Variants in DAB1 observed in about 807,000 individuals in gnomAD.
DAB1 encodes the protein DAB adaptor protein 1.
A neutral mutation model predicts 64.6 loss-of-function variants in DAB1; 15 were observed. That is an observed-to-expected ratio of 0.23 (90% confidence interval 0.16 to 0.36). The LOEUF is 0.36. Among genes scored for constraint, DAB1 ranks in the 10% least tolerant of loss-of-function variants. The pLI is 1.00. For synonymous variants in DAB1, 235 were observed against 251.9 expected, an observed-to-expected ratio of 0.93 and a Z score of 0.64; for missense variants, 596 against 706.7, an observed-to-expected ratio of 0.84 and a Z score of 1.78.
At chr1:57,527,987 TAAGAG>T (rs1644613965) in intron 7 of DAB1, among the ~76,000 whole-genome samples, 1 of 151,908 alleles carries the variant, frequency 6.6e-6, no homozygotes, top group South Asian at 2.1e-4. Flanking sequence ...GACTTATAGT[TAAGAG>T]AAAACTCAAG....
chr1:57,164,575 A>G (rs1021782819), intron 2 of DAB1, among the ~76,000 whole-genome samples: 1 of 152,078 alleles, frequency 6.6e-6, no homozygotes, highest in East Asian at 1.9e-4. Flanking sequence ...AAGCAGAGAG[A>G]GGAGTCAATC....
intron 9 of DAB1, among the ~76,000 whole-genome samples, chr1:57,033,779 A>G (rs749092907): frequency 2.6e-5 from 4 of 152,224 alleles, no homozygotes; most frequent in Admixed American, 6.5e-5. Flanking sequence ...AAATACAGCA[A>G]TGGTAAATTT....
chr1:57,921,523 A>G (rs1569997448), intron 5 of DAB1, among the ~76,000 whole-genome samples: 1 of 152,138 alleles, frequency 6.6e-6, no homozygotes, highest in East Asian at 1.9e-4. Context: ...CCAGGCCACA[A>G]GGCCAATCCT....
chr1:57,769,752 A>T (rs1569627284), intron 6 of DAB1, among the ~76,000 whole-genome samples: 1 of 152,180 alleles, frequency 6.6e-6, no homozygotes, highest in East Asian at 1.9e-4. Context: ...GAGATGAAAT[A>T]GAAACTGCTA....
At chr1:58,439,804 T>A (rs1054784115) in intron 3 of DAB1, among the ~76,000 whole-genome samples, 3 of 152,226 alleles carry the variant, frequency 2.0e-5, no homozygotes, top group South Asian at 4.1e-4. Flanking sequence ...GTATAAAGCA[T>A]TCAAAAGAGC....
intron 6 of DAB1, among the ~76,000 whole-genome samples, chr1:57,729,337 G>A (rs1647312834): frequency 6.6e-6 from 1 of 152,224 alleles, no homozygotes; most frequent in African/African-American, 2.4e-5. Context: ...ACATCCCTGA[G>A]CTCACAGGGT....
chr1:57,039,458 G>A (rs1647437570), intron 9 of DAB1, among the ~76,000 whole-genome samples: 1 of 152,122 alleles, frequency 6.6e-6, no homozygotes, highest in Admixed American at 6.5e-5. Context: ...TATTAGTTTA[G>A]GGAAGGGATG....
chr1:57,397,099 A>G (rs184096690), intron 1 of DAB1, among the ~76,000 whole-genome samples: 7 of 152,314 alleles, frequency 4.6e-5, no homozygotes, highest in East Asian at 1.9e-4. Flanking sequence ...ATCCATTCCA[A>G]TGTAAGGATC....
At chr1:58,013,435 C>A (rs1453081611) in intron 5 of DAB1, among the ~76,000 whole-genome samples, 1 of 152,168 alleles carries the variant, frequency 6.6e-6, no homozygotes, top group Non-Finnish European at 1.5e-5. Context: ...TCAGAGACCA[C>A]AGCAGGGGGC....
intron 5 of DAB1, among the ~76,000 whole-genome samples, chr1:58,062,492 T>C (rs1648565735): frequency 1.3e-5 from 2 of 152,230 alleles, no homozygotes; most frequent in Non-Finnish European, 2.9e-5. Context: ...TATTCCAGCT[T>C]CCAAGACCTT....
At chr1:57,905,406 C>T (rs921572411) in intron 5 of DAB1, among the ~76,000 whole-genome samples, 2 of 151,996 alleles carry the variant, frequency 1.3e-5, no homozygotes, top group African/African-American at 2.4e-5. Flanking sequence ...GATTTGACAA[C>T]CATTTGGAAA....
intron 1 of DAB1, among the ~76,000 whole-genome samples, chr1:57,374,806 G>A (rs959496202): frequency 1.3e-5 from 2 of 152,180 alleles, no homozygotes; most frequent in Non-Finnish European, 2.9e-5. Flanking sequence ...CTGTGCGTCA[G>A]TATTTTCTAG....
chr1:58,473,561 T>TA (rs1645387895), intron 3 of DAB1, among the ~76,000 whole-genome samples: 2 of 140,586 alleles, frequency 1.4e-5, no homozygotes, highest in Non-Finnish European at 1.6e-5. Flanking sequence ...AATAAATAAA[T>TA]AAATAAATAA....
At chr1:58,026,561 A>T (rs1021076005) in intron 5 of DAB1, among the ~76,000 whole-genome samples, 1 of 152,178 alleles carries the variant, frequency 6.6e-6, no homozygotes, top group African/African-American at 2.4e-5. Flanking sequence ...TATTTTATTA[A>T]TGTTTAACCC....
intron 5 of DAB1, among the ~76,000 whole-genome samples, chr1:58,059,909 T>G (rs1333314926): frequency 1.3e-5 from 2 of 152,208 alleles, no homozygotes; most frequent in South Asian, 4.1e-4. Flanking sequence ...ACGGTCCTTA[T>G]GCTAGGCAAC....
intron 7 of DAB1, 122 bp downstream of exon 7, chr1:57,070,901 A>G (rs762669081): frequency 1.4e-5 from 13 of 898,186 alleles, no homozygotes; most frequent in Admixed American, 7.4e-5. Flanking sequence ...TCACCCTCAG[A>G]AATAATCTTG....
At chr1:57,319,994 C>T (rs1675564038) in intron 1 of DAB1, among the ~76,000 whole-genome samples, 1 of 152,110 alleles carries the variant, frequency 6.6e-6, no homozygotes, top group Non-Finnish European at 1.5e-5. Context: ...AACTTGAGCC[C>T]CTGATAACAA....
At position 57,071,218 on chromosome 1, in the gene DAB1, C is replaced by T; in HGVS notation, c.559-157G>A. Reference sequence around the variant, plus strand: ...AGAAAAAACACAAAAAAGTCAAAATCCTTAGAGCCACTCCCACCTCCACCC... The same window carrying T: ...AGAAAAAACACAAAAAAGTCAAAATTCTTAGAGCCACTCCCACCTCCACCC... On this transcript the variant is annotated intron_variant, in intron 6 of 14. Transcript: ENST00000371236. The T allele has an allele frequency of 2.7e-6, 2 of 733,838 alleles. 1 individual carries two copies. The highest frequency in any genetic ancestry group is 3.7e-5 in the South Asian group (2 of 53,552). The allele number at this position is 733,838 out of a possible 1,614,324, so 45.5% of individuals were successfully genotyped here. A position where few individuals can be genotyped will look rare whatever the true frequency, so the allele number is the denominator to read the frequency against.
At chr1:57,421,708 A>G (rs1684899312) in intron 1 of DAB1, among the ~76,000 whole-genome samples, 1 of 152,112 alleles carries the variant, frequency 6.6e-6, no homozygotes, top group Non-Finnish European at 1.5e-5. Flanking sequence ...GAGTTCTTCA[A>G]TATTCCATTT....
Sources: allele counts gnomAD v4.1 joint callset (sites outside exome capture counted in the v4.1 genomes callset), GRCh38; gene constraint gnomAD v4.1.1; transcripts MANE v1.5; gene names NCBI Gene and HGNC (gene_info 2026-07-23, HGNC 2026-07-21).